Variants in CTTN observed in about 807,000 individuals in gnomAD.
CTTN encodes the protein cortactin.
A neutral mutation model predicts 84.0 loss-of-function variants in CTTN; 28 were observed. The observed-to-expected ratio is 0.33, with a 90% CI of 0.25 to 0.46. The LOEUF is 0.46. CTTN is among the 20% of genes least tolerant of loss of function. CTTN has a pLI of 1.00. For synonymous variants in CTTN, 301 were observed against 288.8 expected (o/e 1.04, Z -0.43); for missense variants, 641 against 723.8 (o/e 0.89, Z 1.31).
intron 13 of CTTN, 120 bp downstream of exon 13, chr11:70,425,521 C>T (rs1425383880): frequency 6.9e-6 from 5 of 719,624 alleles, no homozygotes; most frequent in African/African-American, 3.5e-5. Context: ...GTTGTTGCTG[C>T]GTATTTTTGG....
intron 2 of CTTN, among the ~76,000 whole-genome samples, chr11:70,405,805 T>TG (rs1310759745): frequency 2.0e-5 from 3 of 152,160 alleles, no homozygotes; most frequent in Non-Finnish European, 2.9e-5. Context: ...TCCTTTGCCT[T>TG]GGGGGTGAAG....
chr11:70,407,345 C>T lies in CTTN; in HGVS notation c.48C>T (p.Asp16=), dbSNP rs1316893766. 4.5e-6 allele frequency: 7 copies of T among 1,564,314 alleles called. No homozygotes were observed. Among genetic ancestry groups the T allele is most frequent in the African/African-American group, 4.1e-5 (3 of 73,566 alleles). ...AGHAVSIAQD[D]AGADDWETDP... Reference sequence around the variant, plus strand: ...ACGCTGTGTCCATCGCCCAGGATGACGCGGGGGCCGATGACTGGGAGACCG... The same window carrying T: ...ACGCTGTGTCCATCGCCCAGGATGATGCGGGGGCCGATGACTGGGAGACCG... Residue 16 remains aspartate (D), a synonymous_variant, in exon 3 of 18, where the codon GAC becomes GAT. Transcript: ENST00000301843.
At chr11:70,406,603 A>G (rs914192672) in intron 2 of CTTN, among the ~76,000 whole-genome samples, 4 of 152,078 alleles carry the variant, frequency 2.6e-5, no homozygotes, top group Non-Finnish European at 1.5e-5. Flanking sequence ...CAGATGTGCC[A>G]TTGTTCTGTA....
At chr11:70,424,858 T>C (rs527321720) in intron 12 of CTTN, among the ~76,000 whole-genome samples, 43 of 152,010 alleles carry the variant, frequency 2.8e-4, no homozygotes, top group African/African-American at 1.0e-3. Context: ...GCCCTGACAG[T>C]CTCCACCTGA....
At chr11:70,414,157 A>T (rs2058128964) in intron 5 of CTTN, among the ~76,000 whole-genome samples, 1 of 152,142 alleles carries the variant, frequency 6.6e-6, no homozygotes, top group Non-Finnish European at 1.5e-5. Flanking sequence ...CATCCTGGCT[A>T]ACACGGTGAA....
chr11:70,414,415 T>C, intron 5 of CTTN, 127 bp from the exon 6 acceptor site: 1 of 600,102 alleles, frequency 1.7e-6, no homozygotes, highest in Non-Finnish European at 2.9e-6. Flanking sequence ...GCTCCCCAGA[T>C]GGGTGTGTTA....
intron 11 of CTTN, chr11:70,422,195 C>G (rs1197053930): frequency 3.0e-6 from 1 of 336,682 alleles, no homozygotes; most frequent in Non-Finnish European, 5.9e-6. Flanking sequence ...TTCCTTAGAG[C>G]AGTTATGTTG....
intron 8 of CTTN, among the ~76,000 whole-genome samples, chr11:70,419,203 T>A (rs570231061): frequency 2.0e-5 from 3 of 151,454 alleles, no homozygotes; most frequent in Middle Eastern, 3.4e-3. Context: ...CTTCACCTCC[T>A]GGGTTCCAGT....
Position 70,429,884 on chromosome 11 carries a change from G to A in CTTN, c.1176+685G>A, listed in dbSNP as rs576626375. ...ATGTGTGTGTGTGAAGTTACCAGGT[G>A]TGGTTCTGCAGCTGGGGCATCTGCA... On this transcript the variant is annotated intron_variant, in intron 14 of 17. Coordinates refer to ENST00000301843, the MANE Select transcript of CTTN (RefSeq NM_005231.4). Among the ~76,000 whole-genome samples, 11 of 152,254 alleles carry A rather than the reference G, an allele frequency of 7.2e-5. No individual in the cohort carries two copies. The South Asian group carries it at 2.1e-3, about 29-fold the overall frequency.
chr11:70,404,913 A>C (rs921111005), intron 1 of CTTN, among the ~76,000 whole-genome samples: 6 of 152,234 alleles, frequency 3.9e-5, no homozygotes, highest in African/African-American at 1.4e-4. Flanking sequence ...GAGGCAGGAG[A>C]ATCACTTGAA....
Position 70,435,592 on chromosome 11 carries a change from C to T in CTTN, c.*430C>T, listed in dbSNP as rs768745062. The T allele has an allele frequency of 1.3e-6, 2 of 1,575,068 alleles. No homozygotes were observed. Among genetic ancestry groups the T allele is most frequent in the East Asian group, 4.6e-5 (2 of 43,714 alleles). On this transcript the variant is annotated 3_prime_UTR_variant, in exon 18 of 18. Transcript: ENST00000301843. ...GGCGGGTAGGCAGGAAGGACTGTCC[C>T]AGACGAGGGGCTTCCTCTAGAGTCT...
At chr11:70,433,385 G>C in intron 16 of CTTN, 107 bp downstream of exon 16, 1 of 1,179,384 alleles carries the variant, frequency 8.5e-7, no homozygotes, top group Non-Finnish European at 1.2e-6. Flanking sequence ...CCACTGACAC[G>C]CCTTTGCTTG....
Position 70,398,554 on chromosome 11 carries a change from T to G in CTTN, c.-158T>G, listed in dbSNP as rs2057934206. On this transcript the variant is annotated 5_prime_UTR_variant, in exon 1 of 18. Coordinates refer to ENST00000301843, the MANE Select transcript of CTTN (RefSeq NM_005231.4). The stretch of plus-strand genomic sequence containing the variant: ...GGAACCGGAAGTAGAGCCTGGTGCC[T>G]GGGAGCGGCTGGCGCGGCGGAATCC... 1 of 151,688 alleles carries G rather than the reference T, an allele frequency of 6.6e-6. No homozygotes were observed. The highest frequency in any genetic ancestry group is 2.4e-5 in the African/African-American group (1 of 41,202). 9.4% of individuals were successfully genotyped at this position (151,688 alleles called of 1,614,324 possible).
At chr11:70,398,678 CG>C (rs2057938028) in intron 1 of CTTN, 64 bp downstream of exon 1, 1 of 152,208 alleles carries the variant, frequency 6.6e-6, no homozygotes, top group Non-Finnish European at 1.5e-5. Flanking sequence ...CCTGTGGCGT[CG>C]CCTGGCCGCG....
In CTTN at chr11:70,434,903, CG is replaced by C. The variant is rs1206004716; in HGVS notation, c.1517-122del. The C allele has an allele frequency of 4.4e-5, 45 of 1,033,108 alleles. 1 individual carries two copies. Among genetic ancestry groups the C allele is most frequent in the Non-Finnish European group, 6.6e-5 (44 of 670,662 alleles). 64.0% of individuals were successfully genotyped at this position (1,033,108 alleles called of 1,614,324 possible). On this transcript the variant is annotated intron_variant, in intron 17 of 17. Coordinates refer to ENST00000301843, the MANE Select transcript of CTTN (RefSeq NM_005231.4). ...GGCAGCAGGAGCCTCCGCGGTGGTC[CG>C]CATCTCTGCAGGGGGCATCTCTGAG...
intron 14 of CTTN, 34 bp downstream of exon 14, chr11:70,429,233 C>T: frequency 6.3e-7 from 1 of 1,593,938 alleles, no homozygotes; most frequent in South Asian, 1.1e-5. Flanking sequence ...AGCGCACCCT[C>T]CCTGGGACCT....
chr11:70,435,661 G>C lies in CTTN; in HGVS notation c.*499G>C. 6.3e-7 allele frequency: 1 copy of C among 1,596,820 alleles called. No individual in the cohort carries two copies. Among genetic ancestry groups the C allele is most frequent in the Non-Finnish European group, 8.5e-7 (1 of 1,179,178 alleles). On this transcript the variant is annotated 3_prime_UTR_variant, in exon 18 of 18. Coordinates refer to ENST00000301843, the MANE Select transcript of CTTN (RefSeq NM_005231.4). Reference sequence around the variant, plus strand: ...GACTGGGCCTGATGGAAGTTAACCCGGAGCTAAGTCACCCAGAGCACAGGA... The same window carrying C: ...GACTGGGCCTGATGGAAGTTAACCCCGAGCTAAGTCACCCAGAGCACAGGA...
chr11:70,429,832 G>C (rs1416814399), intron 14 of CTTN, among the ~76,000 whole-genome samples: 2 of 152,148 alleles, frequency 1.3e-5, no homozygotes, highest in East Asian at 1.9e-4. Context: ...GATCAGGGGG[G>C]TTGTGAATAG....
rs2058137146 is a variant in CTTN at position 70,414,673 on chromosome 11, A to C, written c.402+21A>C. On this transcript the variant is annotated intron_variant, in intron 6 of 17. Coordinates refer to ENST00000301843, the MANE Select transcript of CTTN (RefSeq NM_005231.4). The stretch of plus-strand genomic sequence containing the variant: ...ATCAGGTGAGTGATGTGGCACTGGG[A>C]CTGGGGCAGGTTGGGGCAAGGGGGG... 3.1e-6 allele frequency: 5 copies of C among 1,588,054 alleles called. No individual in the cohort carries two copies. The East Asian group carries it at 1.1e-4, about 36-fold the overall frequency.
Sources: allele counts gnomAD v4.1 joint callset (sites outside exome capture counted in the v4.1 genomes callset), GRCh38; gene constraint gnomAD v4.1.1; transcripts MANE v1.5; gene names NCBI Gene and HGNC (gene_info 2026-07-23, HGNC 2026-07-21).